The following DTWD2 variants were observed in gnomAD, a reference collection of about 807,000 sequenced individuals.
DTWD2 encodes DTW motif tRNA-uridine aminocarboxypropyltransferase 2.
In DTWD2, 39 loss-of-function variants were observed where a neutral mutation model predicts 31.8. That is an observed-to-expected ratio of 1.22 (90% confidence interval 0.95 to 1.60). The LOEUF is 1.60. Among genes scored for constraint, DTWD2 ranks in the 40% most tolerant of loss-of-function variants. The pLI is 0.00. For synonymous variants in DTWD2, 180 were observed against 142.8 expected (o/e 1.26, Z -1.86); for missense variants, 515 against 381.5 (o/e 1.35, Z -2.92).
At chr5:118,859,369 T>G (rs925144561) in intron 4 of DTWD2, among the ~76,000 whole-genome samples, 1 of 152,334 alleles carries the variant, frequency 6.6e-6, no homozygotes, top group African/African-American at 2.4e-5. Flanking sequence ...ATTTTTCACT[T>G]ATTTTTAAAG....
intron 5 of DTWD2, among the ~76,000 whole-genome samples, chr5:118,844,891 T>G (rs1247749563): frequency 1.3e-5 from 2 of 152,150 alleles, no homozygotes; most frequent in African/African-American, 2.4e-5. Flanking sequence ...TCCAACATTT[T>G]GGCAGGCGAA....
At chr5:118,920,331 G>A (rs1466573468) in intron 4 of DTWD2, among the ~76,000 whole-genome samples, 2 of 151,812 alleles carry the variant, frequency 1.3e-5, no homozygotes, top group East Asian at 3.9e-4. Context: ...TACTATATCT[G>A]TGATATATTA....
At chr5:118,946,456 G>A (rs1161490266) in intron 1 of DTWD2, among the ~76,000 whole-genome samples, 1 of 152,014 alleles carries the variant, frequency 6.6e-6, no homozygotes, top group Non-Finnish European at 1.5e-5. Flanking sequence ...AACAGGATGA[G>A]GTACATTCAA....
At chr5:118,854,785 A>G (rs1359372113) in intron 4 of DTWD2, among the ~76,000 whole-genome samples, 2 of 152,198 alleles carry the variant, frequency 1.3e-5, no homozygotes, top group African/African-American at 4.8e-5. Flanking sequence ...TACATCATTC[A>G]TATGTTTCTA....
intron 4 of DTWD2, among the ~76,000 whole-genome samples, chr5:118,870,799 A>C (rs1303341596): frequency 6.6e-6 from 1 of 152,142 alleles, no homozygotes; most frequent in Non-Finnish European, 1.5e-5. Flanking sequence ...TCTCTGTAGC[A>C]TGTGATGCTG....
rs993171664 is a variant in DTWD2 at position 118,988,303 on chromosome 5, G to C, written c.209C>G (p.Thr70Ser). ...CCAGCCCCGCGGTCACCTGCAGCGGGTGCACTCAGGCCTCCGCTCGGCCGG... is the reference window on the plus strand; with the variant it reads ...CCAGCCCCGCGGTCACCTGCAGCGGCTGCACTCAGGCCTCCGCTCGGCCGG... The part of the protein sequence containing the change: ...VEPAERRPEC[T>S]RCSRPQKVCL... The change falls in exon 1 of 6, where the codon ACC becomes AGC. Residue 70 changes from threonine (T) to serine (S), a missense_variant. Coordinates refer to ENST00000510708, the MANE Select transcript of DTWD2 (RefSeq NM_173666.4). 2.6e-6 allele frequency: 4 copies of C among 1,523,122 alleles called. No homozygotes were observed. The highest frequency in any genetic ancestry group is 3.5e-6 in the Non-Finnish European group (4 of 1,139,828). 94.4% of individuals were successfully genotyped at this position (1,523,122 alleles called of 1,614,324 possible).
intron 4 of DTWD2, among the ~76,000 whole-genome samples, chr5:118,905,737 T>C (rs946452718): frequency 2.0e-5 from 3 of 152,170 alleles, no homozygotes; most frequent in Admixed American, 1.3e-4. Flanking sequence ...TTTATAAATA[T>C]GGCTTTGCTA....
chr5:118,859,729 T>G (rs1752217484), intron 4 of DTWD2, among the ~76,000 whole-genome samples: 1 of 152,238 alleles, frequency 6.6e-6, no homozygotes, highest in Admixed American at 6.5e-5. Context: ...TTTCAAGGTC[T>G]GTCCCCTCTA....
chr5:118,865,299 T>C (rs576134101), intron 4 of DTWD2, among the ~76,000 whole-genome samples: 2 of 152,314 alleles, frequency 1.3e-5, no homozygotes, highest in Non-Finnish European at 2.9e-5. Context: ...TTATACTTTA[T>C]GCAAATACAG....
intron 4 of DTWD2, among the ~76,000 whole-genome samples, chr5:118,871,333 C>T (rs57186800): frequency 0.11 from 16,399 of 152,206 alleles, 1,127 homozygotes; most frequent in African/African-American, 0.19. Flanking sequence ...TTGACCTCCT[C>T]CCACGAATCA....
intron 5 of DTWD2, among the ~76,000 whole-genome samples, chr5:118,844,577 A>G (rs894444839): frequency 2.6e-5 from 4 of 152,240 alleles, no homozygotes; most frequent in African/African-American, 9.6e-5. Context: ...ACTATGAGGT[A>G]ACATTTTGTA....
chr5:118,920,420 C>T (rs536169592), intron 4 of DTWD2, among the ~76,000 whole-genome samples: 26 of 152,076 alleles, frequency 1.7e-4, no homozygotes, highest in African/African-American at 2.2e-4. Context: ...GTACTCTTAA[C>T]GCTAAATATC....
chr5:118,878,085 C>A (rs1017574590), intron 4 of DTWD2, among the ~76,000 whole-genome samples: 5 of 151,880 alleles, frequency 3.3e-5, no homozygotes, highest in Non-Finnish European at 7.4e-5. Flanking sequence ...GGCATACTAC[C>A]CAAAGTAATT....
chr5:118,843,739 G>C lies in DTWD2; in HGVS notation c.727-2652C>G, dbSNP rs540371185. 4.7e-4 allele frequency among the ~76,000 whole-genome samples: 71 copies of C among 152,296 alleles called. 1 individual carries two copies. In the South Asian group the frequency reaches 0.015, roughly 31 times the overall value. ...GATAAGATTCTATCAATTTACTGAG[G>C]TAATGAAGAGAATGAATTTTGGAAA... On this transcript the variant is annotated intron_variant, in intron 5 of 5. Transcript: ENST00000510708.
At chr5:118,961,249 A>C (rs897959995) in intron 1 of DTWD2, among the ~76,000 whole-genome samples, 2 of 152,204 alleles carry the variant, frequency 1.3e-5, no homozygotes, top group Non-Finnish European at 2.9e-5. Context: ...ATCTTATCAT[A>C]ATCATCTCAC....
chr5:118,971,392 C>T lies in DTWD2; in HGVS notation c.218+16902G>A, dbSNP rs374704376. ...AAAGATCAAAAAAGACAAAGAAGGG[C>T]GTTATATATGGTAAAGGGTTCAGTT... On this transcript the variant is annotated intron_variant, in intron 1 of 5. Transcript: ENST00000510708. 1.7e-3 allele frequency among the ~76,000 whole-genome samples: 255 copies of T among 152,124 alleles called. 1 individual carries two copies. The highest frequency in any genetic ancestry group is 6.8e-3 in the Middle Eastern group (2 of 294).
At chr5:118,865,107 T>C (rs917648559) in intron 4 of DTWD2, among the ~76,000 whole-genome samples, 5 of 152,188 alleles carry the variant, frequency 3.3e-5, no homozygotes, top group African/African-American at 1.2e-4. Flanking sequence ...ACCTTACGTA[T>C]GATACACCCA....
At chr5:118,906,757 T>C (rs1753343370) in intron 4 of DTWD2, among the ~76,000 whole-genome samples, 1 of 152,180 alleles carries the variant, frequency 6.6e-6, no homozygotes, top group Non-Finnish European at 1.5e-5. Context: ...GATATCTTCA[T>C]TATCTTGATT....
chr5:118,904,595 A>C (rs1753285564), intron 4 of DTWD2, among the ~76,000 whole-genome samples: 1 of 152,132 alleles, frequency 6.6e-6, no homozygotes, highest in Non-Finnish European at 1.5e-5. Flanking sequence ...TAGACAGATA[A>C]TCAAAGACCA....
Sources: gnomAD v4.1 joint callset for allele counts (sites outside exome capture counted in the v4.1 genomes callset) on GRCh38, gnomAD v4.1.1 for gene constraint, MANE v1.5 for transcripts, NCBI Gene and HGNC (gene_info 2026-07-23, HGNC 2026-07-21) for gene names.